Variants in AGAP3 observed in about 807,000 individuals in gnomAD.
AGAP3 encodes the protein ArfGAP with GTPase domain, ankyrin repeat and PH domain 3.
AGAP3 carries 24 observed loss-of-function variants against 96.9 expected under a neutral mutation model. The observed-to-expected ratio is 0.25, with a 90% CI of 0.18 to 0.35. The LOEUF is 0.35. Among genes scored for constraint, AGAP3 ranks in the 10% least tolerant of loss-of-function variants. The pLI, the probability that AGAP3 is intolerant of heterozygous loss-of-function variation, is 1.00. For missense variants in AGAP3, 876 were observed against 1,254.2 expected (o/e 0.70, Z 4.55); for synonymous variants, 563 against 536.1 (o/e 1.05, Z -0.69).
rs1394463621 is a variant in AGAP3 at position 151,113,947 on chromosome 7, C to T, written c.332-2846C>T. ...ACCACTTGATCTCAGCCCATCATCC[C>T]GACAGGAGGTGAGACCCAGTGAGCA... On this transcript the variant is annotated intron_variant, in intron 1 of 17. Transcript: ENST00000397238. 2.6e-5 allele frequency among the ~76,000 whole-genome samples: 4 copies of T among 152,168 alleles called. No individual in the cohort carries two copies. The East Asian group carries it at 7.7e-4, about 29-fold the overall frequency.
chr7:151,124,433 G>C (rs770214354), intron 9 of AGAP3, among the ~76,000 whole-genome samples: 1 of 152,262 alleles, frequency 6.6e-6, no homozygotes, highest in Non-Finnish European at 1.5e-5. Flanking sequence ...CAGTGGACAC[G>C]GCATTGCCCC....
intron 1 of AGAP3, chr7:151,089,813 T>A (rs1003126811): frequency 2.6e-5 from 4 of 151,974 alleles, no homozygotes; most frequent in Non-Finnish European, 5.9e-5. Context: ...AGCCTTCAGC[T>A]GGGAGGGAGA....
chr7:151,123,112 C>T (rs1799991734), intron 8 of AGAP3: 1 of 1,132,764 alleles, frequency 8.8e-7, no homozygotes, highest in Non-Finnish European at 1.1e-6. Context: ...GGCCCGGCTG[C>T]TCCTGGGGGG....
intron 1 of AGAP3, chr7:151,112,305 A>G (rs1333335749): frequency 6.6e-6 from 1 of 151,934 alleles, no homozygotes; most frequent in African/African-American, 2.4e-5. Context: ...TTCTCCTTGG[A>G]CTGATTCTGC....
chr7:151,116,564 C>T (rs1488442540), intron 1 of AGAP3: 5 of 564,360 alleles, frequency 8.9e-6, no homozygotes, highest in South Asian at 2.3e-5. Flanking sequence ...GGACTGAGCC[C>T]ACAGCCCTCA....
At position 151,096,541 on chromosome 7, in the gene AGAP3, C is replaced by T. The variant is rs545936345; in HGVS notation, c.331+9469C>T. Among the ~76,000 whole-genome samples the T allele has an allele frequency of 2.8e-4, 42 of 151,630 alleles. No homozygotes were observed. The highest frequency in any genetic ancestry group is 6.8e-3 in the Middle Eastern group (2 of 294). ...AGGCTGGAGTGCAGTGGCGCGATCT[C>T]GGCTCACTGCAACCTCTGCCTCCCA... On this transcript the variant is annotated intron_variant, in intron 1 of 17. Coordinates refer to ENST00000397238, the MANE Select transcript of AGAP3 (RefSeq NM_031946.7). This position sits in a 1 kb window ranked among gnomAD's most constrained non-coding sequence, Gnocchi z 4.4.
At position 151,086,954 on chromosome 7, in the gene AGAP3, C is replaced by G. The variant is rs746383594; in HGVS notation, c.213C>G (p.Ala71=). 1.9e-5 allele frequency: 30 copies of G among 1,611,700 alleles called. No individual in the cohort carries two copies. The highest frequency in any genetic ancestry group is 2.2e-5 in the South Asian group (2 of 91,046). Residue 71 remains alanine (A), a synonymous_variant, in exon 1 of 18, where the codon GCC becomes GCG. Coordinates refer to ENST00000397238, the MANE Select transcript of AGAP3 (RefSeq NM_031946.7). ...FALSNSAAIR[A]EIQRFESVHP... ...TCTCCAACTCCGCGGCCATCCGGGCCGAGATCCAGCGCTTCGAGTCCGTGC... is the reference window on the plus strand; with the variant it reads ...TCTCCAACTCCGCGGCCATCCGGGCGGAGATCCAGCGCTTCGAGTCCGTGC...
chr7:151,105,636 C>A (rs1005163599), intron 1 of AGAP3, among the ~76,000 whole-genome samples: 1 of 151,672 alleles, frequency 6.6e-6, no homozygotes, highest in East Asian at 1.9e-4. Context: ...ATAGCTGACA[C>A]ACACCTGTGC....
chr7:151,115,663 G>C, intron 1 of AGAP3: 1 of 1,150,570 alleles, frequency 8.7e-7, no homozygotes, highest in East Asian at 4.0e-5. Flanking sequence ...GGCCTGGGGG[G>C]CGTCTGGCAG....
In AGAP3 at chr7:151,123,850, C is replaced by G; in HGVS notation, c.1185C>G (p.Asp395Glu). 1 of 1,611,952 alleles carries G rather than the reference C, an allele frequency of 6.2e-7. No individual in the cohort carries two copies. Among genetic ancestry groups the G allele is most frequent in the Non-Finnish European group, 8.5e-7 (1 of 1,179,930 alleles). ...REKKAAECKVDSIGSGRAIPI... is the reference protein window; with the variant it reads ...REKKAAECKVESIGSGRAIPI... ...AGAAGGCTGCCGAGTGCAAGGTGGACAGCATCGGGAGCGGCCGCGCCATCC... is the reference window on the plus strand; with the variant it reads ...AGAAGGCTGCCGAGTGCAAGGTGGAGAGCATCGGGAGCGGCCGCGCCATCC... The change falls in exon 9 of 18, where the codon GAC becomes GAG. Residue 395 changes from aspartate to glutamate, a missense_variant. By Grantham distance (45) the Asp-to-Glu change is conservative (BLOSUM62 2). Coordinates refer to ENST00000397238, the MANE Select transcript of AGAP3 (RefSeq NM_031946.7).
At chr7:151,132,375 C>T (rs1020927312) in intron 10 of AGAP3, among the ~76,000 whole-genome samples, 4 of 152,230 alleles carry the variant, frequency 2.6e-5, no homozygotes, top group Non-Finnish European at 5.9e-5. Flanking sequence ...GTGCTCAGGC[C>T]AGGCACTTGG....
At chr7:151,087,174 GTCCT>G in intron 1 of AGAP3, 102 bp downstream of exon 1, 1 of 1,298,820 alleles carries the variant, frequency 7.7e-7, no homozygotes, top group Non-Finnish European at 1.1e-6. Flanking sequence ...CCTGTCGGGG[GTCCT>G]TGCGCGCTTG....
At chr7:151,105,392 A>G (rs1026804245) in intron 1 of AGAP3, among the ~76,000 whole-genome samples, 3 of 152,130 alleles carry the variant, frequency 2.0e-5, no homozygotes. Context: ...TTATTTTGAT[A>G]TTTTCTTGCA....
chr7:151,089,443 A>G (rs2150401081), intron 1 of AGAP3, among the ~76,000 whole-genome samples: 1 of 151,898 alleles, frequency 6.6e-6, no homozygotes, highest in East Asian at 1.9e-4. Flanking sequence ...TCCTGGGGCT[A>G]AGCCTCTCGG....
chr7:151,126,824 C>T lies in AGAP3; in HGVS notation c.1222-1756C>T, dbSNP rs367735703. On this transcript the variant is annotated intron_variant, in intron 9 of 17. Coordinates refer to ENST00000397238, the MANE Select transcript of AGAP3 (RefSeq NM_031946.7). ...GCCTTGTGGAAGGTCCCCTTAGTGC[C>T]GCTAGTTTTCAGAAACCCCTTTTGA... Among the ~76,000 whole-genome samples, 6 of 152,312 alleles carry T rather than the reference C, an allele frequency of 3.9e-5. No individual in the cohort carries two copies. In the East Asian group the frequency reaches 5.8e-4, roughly 15 times the overall value.
chr7:151,134,931 TA>T (rs1388298666), intron 11 of AGAP3, among the ~76,000 whole-genome samples: 3 of 152,020 alleles, frequency 2.0e-5, no homozygotes, highest in African/African-American at 4.8e-5. Context: ...CATATGGAGA[TA>T]GGGGAGGTGG....
At chr7:151,115,598 C>T (rs1332846705) in intron 1 of AGAP3, 3 of 1,166,432 alleles carry the variant, frequency 2.6e-6, no homozygotes, top group African/African-American at 3.2e-5. Flanking sequence ...CGCTGTGGGG[C>T]CGTCGGGCGG....
At chr7:151,121,507 C>T (rs1419789727) in intron 8 of AGAP3, among the ~76,000 whole-genome samples, 1 of 152,094 alleles carries the variant, frequency 6.6e-6, no homozygotes, top group African/African-American at 2.4e-5. Flanking sequence ...CCCTTCCCCT[C>T]GTTGGCAAGC....
chr7:151,100,264 C>T (rs1439280970), intron 1 of AGAP3, among the ~76,000 whole-genome samples: 2 of 152,192 alleles, frequency 1.3e-5, no homozygotes, highest in African/African-American at 4.8e-5. Context: ...TTACTAGATT[C>T]TCATCACATC....
Sources: gnomAD v4.1 joint callset for allele counts (sites outside exome capture counted in the v4.1 genomes callset) on GRCh38, gnomAD v4.1.1 for gene constraint, Gnocchi (gnomAD v3.1) non-coding constraint, MANE v1.5 for transcripts, NCBI Gene and HGNC (gene_info 2026-07-23, HGNC 2026-07-21) for gene names.